The following PIEZO2 variants were observed in gnomAD, a reference collection of about 807,000 sequenced individuals.
PIEZO2 encodes piezo type mechanosensitive ion channel component 2.
PIEZO2 carries 172 observed loss-of-function variants against 337.3 expected under a neutral mutation model. The ratio of observed to expected loss-of-function variants is 0.51; its 90% CI spans 0.45 to 0.58. The LOEUF (loss-of-function observed/expected upper bound fraction) is 0.58. PIEZO2 is among the 20% of genes least tolerant of loss of function. PIEZO2 has a pLI of 0.00. For missense variants in PIEZO2, 3,028 were observed against 3,391.3 expected (o/e 0.89, Z 2.66); for synonymous variants, 1,251 against 1,228.5 (o/e 1.02, Z -0.38).
At chr18:10,705,277 G>T in intron 41 of PIEZO2, 59 bp downstream of exon 41, 1 of 1,445,198 alleles carries the variant, frequency 6.9e-7, no homozygotes, top group Non-Finnish European at 9.1e-7. Context: ...CAGAATTAGG[G>T]CATTATGTTT....
At chr18:10,920,274 T>G (rs776790174) in intron 3 of PIEZO2, among the ~76,000 whole-genome samples, 2 of 151,840 alleles carry the variant, frequency 1.3e-5, no homozygotes, top group Admixed American at 1.3e-4. Flanking sequence ...TAAGAGAGAG[T>G]GTGCATAGCG....
intron 3 of PIEZO2, among the ~76,000 whole-genome samples, chr18:10,921,625 G>T (rs2031411200): frequency 6.6e-6 from 1 of 152,038 alleles, no homozygotes. Context: ...TGAAATCTGG[G>T]CACCTTGAAA....
At chr18:10,937,936 T>G (rs2032498600) in intron 3 of PIEZO2, among the ~76,000 whole-genome samples, 1 of 152,166 alleles carries the variant, frequency 6.6e-6, no homozygotes, top group Non-Finnish European at 1.5e-5. Context: ...ACACAAATGG[T>G]GGGTTTCAGA....
At chr18:10,947,150 A>AGGGAAAAAAATCTGT (rs2145288656) in intron 3 of PIEZO2, among the ~76,000 whole-genome samples, 1 of 152,282 alleles carries the variant, frequency 6.6e-6, no homozygotes, top group South Asian at 2.1e-4. Context: ...ATGAACTTGA[A>AGGGAAAAAAATCTGT]GGGAAAAAAA....
chr18:10,733,222 A>G (rs543349816), intron 35 of PIEZO2, among the ~76,000 whole-genome samples: 11 of 152,188 alleles, frequency 7.2e-5, no homozygotes, highest in Non-Finnish European at 1.6e-4. Context: ...CCTCACTGCC[A>G]TGAGAATTGA....
intron 1 of PIEZO2, among the ~76,000 whole-genome samples, chr18:11,098,576 C>T (rs981888971): frequency 6.7e-6 from 1 of 150,090 alleles, no homozygotes; most frequent in African/African-American, 2.5e-5. Flanking sequence ...GGAAACTTGA[C>T]CCCCGGTGCA....
rs1167591583 is a variant in PIEZO2, at chr18:10,724,107, G to C, written c.5030-5848C>G. Reference sequence around the variant, plus strand: ...CCAGATTAAGTGAGTGCTGAGCACAGAGATTAGAATCATGAATAAGGGGCT... The same window carrying C: ...CCAGATTAAGTGAGTGCTGAGCACACAGATTAGAATCATGAATAAGGGGCT... On this transcript the variant is annotated intron_variant, in intron 36 of 55. Transcript: ENST00000674853. The surrounding 1 kb of genome is among the most constrained non-coding windows in gnomAD (Gnocchi z 5.8). Among the ~76,000 whole-genome samples, 2 of 152,194 alleles carry C rather than the reference G, an allele frequency of 1.3e-5. No individual in the cohort carries two copies. The highest frequency in any genetic ancestry group is 4.8e-5 in the African/African-American group (2 of 41,452).
intron 49 of PIEZO2, among the ~76,000 whole-genome samples, chr18:10,688,914 G>A (rs1153767): frequency 0.23 from 35,293 of 151,944 alleles, 4,370 homozygotes; most frequent in African/African-American, 0.26. Context: ...TATATTGCCA[G>A]CCCCATCTCC....
At chr18:10,931,553 C>A (rs1232868419) in intron 3 of PIEZO2, among the ~76,000 whole-genome samples, 2 of 152,160 alleles carry the variant, frequency 1.3e-5, no homozygotes, top group African/African-American at 4.8e-5. Context: ...AAGGATTTTT[C>A]CTTATTACAC....
chr18:10,902,389 A>G (rs1409308627), intron 4 of PIEZO2, among the ~76,000 whole-genome samples: 1 of 152,214 alleles, frequency 6.6e-6, no homozygotes, highest in African/African-American at 2.4e-5. Flanking sequence ...AGATTTTGTC[A>G]TCTGAGAAAG....
chr18:10,750,622 G>C lies in PIEZO2; in HGVS notation c.4168-435C>G, dbSNP rs1428020742. ...CCTAAGCTGCAGGGTGTAGTTCTTAGAACAAAACAGAGTATGTGTTTTGAG... is the reference window on the plus strand; with the variant it reads ...CCTAAGCTGCAGGGTGTAGTTCTTACAACAAAACAGAGTATGTGTTTTGAG... On this transcript the variant is annotated intron_variant, in intron 28 of 55. Coordinates refer to ENST00000674853, the MANE Select transcript of PIEZO2 (RefSeq NM_001378183.1). This position sits in a 1 kb window ranked among gnomAD's most constrained non-coding sequence, Gnocchi z 4.1. Among the ~76,000 whole-genome samples, 1 of 152,088 alleles carries C rather than the reference G, an allele frequency of 6.6e-6. No individual in the cohort carries two copies. Among genetic ancestry groups the C allele is most frequent in the East Asian group, 1.9e-4 (1 of 5,192 alleles).
At chr18:10,812,982 A>G (rs1283341011) in intron 7 of PIEZO2, among the ~76,000 whole-genome samples, 1 of 130,072 alleles carries the variant, frequency 7.7e-6, no homozygotes, top group African/African-American at 2.9e-5. Flanking sequence ...GATTATTTTA[A>G]ACTTTTTTTT....
Position 10,677,209 on chromosome 18 carries a change from T to A in PIEZO2, c.8081+538A>T, listed in dbSNP as rs981834153. Among the ~76,000 whole-genome samples the A allele has an allele frequency of 6.6e-6, 1 of 152,084 alleles. No individual in the cohort carries two copies. Among genetic ancestry groups the A allele is most frequent in the Non-Finnish European group, 1.5e-5 (1 of 68,010 alleles). ...CACCATACAAACCCTCATTCATTTG[T>A]TTTTTATTATTTATTTATTTATTTT... On this transcript the variant is annotated intron_variant, in intron 53 of 55. Transcript: ENST00000674853. This position sits in a 1 kb window ranked among gnomAD's most constrained non-coding sequence, Gnocchi z 4.1.
At position 10,767,954 on chromosome 18, in the gene PIEZO2, G is replaced by A. The variant is rs563312131; in HGVS notation, c.2946+2194C>T. ...CGTGAGGCCATCATGGGATGGCACA[G>A]GCCAAGTCACAACATCCCCATCCCA... On this transcript the variant is annotated intron_variant, in intron 21 of 55. Transcript: ENST00000674853. This position sits in a 1 kb window ranked among gnomAD's most constrained non-coding sequence, Gnocchi z 4.2. Among the ~76,000 whole-genome samples the A allele has an allele frequency of 4.6e-5, 7 of 152,350 alleles. No individual in the cohort carries two copies. The highest frequency in any genetic ancestry group is 1.7e-4 in the African/African-American group (7 of 41,588).
At chr18:10,729,010 G>A (rs2036659212) in intron 36 of PIEZO2, among the ~76,000 whole-genome samples, 1 of 151,058 alleles carries the variant, frequency 6.6e-6, no homozygotes, top group Non-Finnish European at 1.5e-5. Flanking sequence ...GCATACGTGT[G>A]TGCACATGAG....
intron 33 of PIEZO2, chr18:10,738,406 G>A (rs1388249688): frequency 6.6e-6 from 1 of 152,080 alleles, no homozygotes; most frequent in East Asian, 1.9e-4. Context: ...TTCATCTCAA[G>A]CAGTGGTAAC....
Position 10,704,517 on chromosome 18 carries a change from G to C in PIEZO2, c.6135C>G (p.Leu2045=), listed in dbSNP as rs981163826. Residue 2045 remains leucine, a synonymous_variant, in exon 42 of 56, where the codon CTC becomes CTG. Transcript: ENST00000674853. The part of the protein sequence containing the change: ...SEMVCYFVII[L]NHMVSASMIT... ...TCATGGAGGCAGAGACCATGTGGTT[G>C]AGGATGATCACGAAGTAGCACACCA... The C allele has an allele frequency of 6.5e-6, 10 of 1,537,160 alleles. No individual in the cohort carries two copies. In the African/African-American group the frequency reaches 9.6e-5, roughly 15 times the overall value.
Position 10,682,118 on chromosome 18 carries a change from G to C in PIEZO2, c.7672C>G (p.Leu2558Val), listed in dbSNP as rs1034953351. Residue 2558 changes from leucine (L) to valine (V), a missense_variant, in exon 50 of 56, where the codon CTG becomes GTG. Physicochemically the swap from Leu to Val is conservative, Grantham distance 32. Transcript: ENST00000674853. This position sits in a 1 kb window ranked among gnomAD's most constrained non-coding sequence, Gnocchi z 5.6. The stretch of plus-strand genomic sequence containing the variant: ...ACAGAGATCACCTGATACCCTCCCA[G>C]GGTAATTGTGACGGAGACGTCCAGG... ...QPLDVSVTITLGGYQPIFTMS... is the reference protein window; with the variant it reads ...QPLDVSVTITVGGYQPIFTMS... 3.3e-6 allele frequency: 5 copies of C among 1,536,610 alleles called. No individual in the cohort carries two copies. Among genetic ancestry groups the C allele is most frequent in the Non-Finnish European group, 4.4e-6 (5 of 1,146,606 alleles).
At chr18:10,960,622 G>C (rs1478899310) in intron 3 of PIEZO2, among the ~76,000 whole-genome samples, 1 of 150,376 alleles carries the variant, frequency 6.6e-6, no homozygotes, top group Non-Finnish European at 1.5e-5. Flanking sequence ...TAAATTAACT[G>C]TGTGTTTGAG....
Sources: allele counts gnomAD v4.1 joint callset (sites outside exome capture counted in the v4.1 genomes callset), GRCh38; gene constraint gnomAD v4.1.1; non-coding constraint Gnocchi (gnomAD v3.1); transcripts MANE v1.5; gene names NCBI Gene and HGNC (gene_info 2026-07-23, HGNC 2026-07-21).